METTL4: variants seen among roughly 807,000 people sequenced by gnomAD.
The protein encoded by METTL4 is N(6)-adenine-specific methyltransferase METTL4.
A neutral mutation model predicts 54.0 loss-of-function variants in METTL4; 40 were observed. The observed-to-expected ratio is 0.74, with a 90% CI of 0.58 to 0.96. The LOEUF is 0.96. Ranked by LOEUF, METTL4 falls within the 50% of genes least tolerant of loss-of-function variation. The probability of loss-of-function intolerance (pLI) is 0.00; values close to 1 mark genes in which losing one functional copy is unlikely to be tolerated. For missense variants in METTL4, 525 were observed against 549.0 expected (o/e 0.96, Z 0.44); for synonymous variants, 169 against 183.8 (o/e 0.92, Z 0.65).
chr18:2,559,155 A>G (rs2072279056), intron 3 of METTL4, among the ~76,000 whole-genome samples: 1 of 152,228 alleles, frequency 6.6e-6, no homozygotes. Flanking sequence ...TGGAATAGAT[A>G]TTTGTACACC....
At chr18:2,546,431 G>A (rs2072071630) in intron 6 of METTL4, among the ~76,000 whole-genome samples, 1 of 152,036 alleles carries the variant, frequency 6.6e-6, no homozygotes, top group Non-Finnish European at 1.5e-5. Flanking sequence ...ATGGGGTTCA[G>A]TACCATCCAT....
chr18:2,555,095 C>A, intron 3 of METTL4, 57 bp from the exon 4 acceptor site: 1 of 1,512,680 alleles, frequency 6.6e-7, no homozygotes, highest in Non-Finnish European at 9.0e-7. Flanking sequence ...AGAACATTGA[C>A]TGTGCTTTGA....
chr18:2,546,973 G>C (rs931434844), intron 6 of METTL4, among the ~76,000 whole-genome samples: 7 of 152,208 alleles, frequency 4.6e-5, no homozygotes, highest in African/African-American at 1.4e-4. Context: ...AATCACAAAG[G>C]GTGGTTGAAA....
In METTL4 at chr18:2,569,355, A is replaced by C. The variant is rs1392969936; in HGVS notation, c.-438-1701T>G. The stretch of plus-strand genomic sequence containing the variant: ...ATCATCCTGTCAAGCGACAGGATCA[A>C]GCAAGTATATTTAAATTGATTCCCA... On this transcript the variant is annotated intron_variant, in intron 1 of 8. Transcript: ENST00000574538. Among the ~76,000 whole-genome samples the C allele has an allele frequency of 2.0e-5, 3 of 152,350 alleles. No homozygotes were observed. In the East Asian group the frequency reaches 5.8e-4, roughly 29 times the overall value.
At chr18:2,565,243 C>T (rs879476932) in intron 2 of METTL4, among the ~76,000 whole-genome samples, 9 of 151,772 alleles carry the variant, frequency 5.9e-5, no homozygotes, top group Non-Finnish European at 1.3e-4. Flanking sequence ...CACGCCACTG[C>T]GCTCCAGCCT....
intron 2 of METTL4, among the ~76,000 whole-genome samples, chr18:2,565,968 A>C (rs924918896): frequency 2.0e-5 from 3 of 151,538 alleles, no homozygotes; most frequent in Non-Finnish European, 2.9e-5. Context: ...AATGGCGTGA[A>C]CCCGGGAGGC....
chr18:2,562,770 CG>C, intron 3 of METTL4, among the ~76,000 whole-genome samples: 1 of 141,810 alleles, frequency 7.1e-6, no homozygotes, highest in East Asian at 2.1e-4. Context: ...AGCTGGGGGA[CG>C]GGGGGATGGG....
At chr18:2,540,742 T>C in intron 8 of METTL4, 2 of 985,468 alleles carry the variant, frequency 2.0e-6, no homozygotes, top group Non-Finnish European at 2.4e-6. Context: ...TTTCTTCCCA[T>C]GAATTTAACG....
In METTL4 at chr18:2,568,752, CA is replaced by C. The variant is rs552135454; in HGVS notation, c.-438-1099del. 1,112 of 112,132 alleles carry C rather than the reference CA, an allele frequency of 9.9e-3. 9 individuals are homozygous for C. Among genetic ancestry groups the C allele is most frequent in the African/African-American group, 0.035 (920 of 26,578 alleles). The allele number at this position is 112,132 out of a possible 1,614,324, so 6.9% of individuals were successfully genotyped here. On this transcript the variant is annotated intron_variant, in intron 1 of 8. Transcript: ENST00000574538. ...GGGCAACAAGAGTGAAACTACGTCT[CA>C]AAAAAAAAAAAAAAAGGGAGTATGA...
chr18:2,552,546 G>C, intron 5 of METTL4, 149 bp downstream of exon 5: 1 of 607,068 alleles, frequency 1.6e-6, no homozygotes, highest in Non-Finnish European at 2.9e-6. Context: ...GAATTAACTA[G>C]TTAAGGAAAT....
chr18:2,554,620 C>A, intron 4 of METTL4, 49 bp downstream of exon 4: 1 of 1,548,664 alleles, frequency 6.5e-7, no homozygotes, highest in South Asian at 1.2e-5. Context: ...AACTTTTCAG[C>A]CCACGGAAAA....
Sources: allele counts gnomAD v4.1 joint callset (sites outside exome capture counted in the v4.1 genomes callset), GRCh38; gene constraint gnomAD v4.1.1; transcripts MANE v1.5; gene names NCBI Gene and HGNC (gene_info 2026-07-23, HGNC 2026-07-21).